FBXL2: variants seen among roughly 807,000 people sequenced by gnomAD.
FBXL2 encodes the protein F-box/LRR-repeat protein 2.
Under a neutral mutation model 69.2 loss-of-function variants are expected in FBXL2, and 38 were observed. The ratio of observed to expected loss-of-function variants is 0.55; its 90% confidence interval spans 0.42 to 0.72. FBXL2 has a LOEUF of 0.72. Ranked by LOEUF, FBXL2 falls within the 30% of genes least tolerant of loss-of-function variation. The pLI, the probability that FBXL2 is intolerant of heterozygous loss-of-function variation, is 0.00. For missense variants in FBXL2, 354 were observed against 520.3 expected (o/e 0.68, Z 3.11); for synonymous variants, 192 against 201.3 (o/e 0.95, Z 0.39).
chr3:33,314,328 C>T (rs2037480081), intron 2 of FBXL2, among the ~76,000 whole-genome samples: 1 of 152,164 alleles, frequency 6.6e-6, no homozygotes, highest in African/African-American at 2.4e-5. Context: ...CCCATTTCCC[C>T]TGCTTTCCCA....
chr3:33,406,677 C>T (rs954064831), downstream of FBXL2, among the ~76,000 whole-genome samples: 7 of 152,150 alleles, frequency 4.6e-5, no homozygotes, highest in African/African-American at 7.2e-5. Flanking sequence ...GAAAAGCAAG[C>T]GATGGTGCAG....
rs531028413 is a variant in FBXL2, at chr3:33,281,129, C to T, written c.3+3614C>T. ...GTTTGTTACGTATGTATACATGGGCCATGTTGGTGTGCTGTACCCGTTGTC... is the reference window on the plus strand; with the variant it reads ...GTTTGTTACGTATGTATACATGGGCTATGTTGGTGTGCTGTACCCGTTGTC... On this transcript the variant is annotated intron_variant, in intron 1 of 14. Coordinates refer to ENST00000484457, the MANE Select transcript of FBXL2 (RefSeq NM_012157.5). Among the ~76,000 whole-genome samples, 12 of 152,160 alleles carry T rather than the reference C, an allele frequency of 7.9e-5. No individual in the cohort carries two copies. The South Asian group carries it at 2.5e-3, about 32-fold the overall frequency.
the FBXL2 span, chr3:33,412,689 T>A: frequency 3.0e-6 from 4 of 1,343,644 alleles, no homozygotes; most frequent in Non-Finnish European, 4.3e-6. Flanking sequence ...AACAATACCC[T>A]CATCTCCATG....
chr3:33,311,110 C>G (rs1486106679), intron 2 of FBXL2, among the ~76,000 whole-genome samples: 5 of 152,170 alleles, frequency 3.3e-5, no homozygotes, highest in African/African-American at 4.8e-5. Context: ...ATCCTATTCT[C>G]TTGTAGATTG....
intron 12 of FBXL2, among the ~76,000 whole-genome samples, chr3:33,399,871 G>A (rs1388701703): frequency 1.3e-5 from 2 of 152,126 alleles, no homozygotes; most frequent in Non-Finnish European, 2.9e-5. Flanking sequence ...GTAACTTACT[G>A]TAAAACAAAA....
intron 2 of FBXL2, among the ~76,000 whole-genome samples, chr3:33,330,938 TC>T (rs1366083791): frequency 6.6e-6 from 1 of 151,220 alleles, no homozygotes; most frequent in Non-Finnish European, 1.5e-5. Context: ...CACAAATATA[TC>T]TATATCATAT....
At chr3:33,382,217 G>A (rs886700161) in intron 13 of FBXL2, among the ~76,000 whole-genome samples, 5 of 152,144 alleles carry the variant, frequency 3.3e-5, no homozygotes, top group Admixed American at 1.3e-4. Flanking sequence ...ATCCACTTTC[G>A]CACTAAAAAA....
intron 2 of FBXL2, among the ~76,000 whole-genome samples, chr3:33,321,482 C>G (rs1575185140): frequency 6.6e-6 from 1 of 152,158 alleles, no homozygotes; most frequent in Middle Eastern, 3.2e-3. Flanking sequence ...TGACCATCTA[C>G]TCTCGTGAGA....
At chr3:33,361,274 C>T (rs1181390119) in intron 4 of FBXL2, among the ~76,000 whole-genome samples, 1 of 151,824 alleles carries the variant, frequency 6.6e-6, no homozygotes, top group African/African-American at 2.4e-5. Context: ...GAGGCCATGG[C>T]GGGCAGATCA....
chr3:33,284,278 T>C (rs915161504), intron 1 of FBXL2, among the ~76,000 whole-genome samples: 2 of 152,230 alleles, frequency 1.3e-5, no homozygotes, highest in South Asian at 2.1e-4. Context: ...TCAAAGAACA[T>C]CTTTATTTCT....
chr3:33,349,328 A>G (rs1456739372), intron 2 of FBXL2, among the ~76,000 whole-genome samples: 2 of 152,048 alleles, frequency 1.3e-5, no homozygotes, highest in African/African-American at 4.8e-5. Flanking sequence ...GTTGAATTTT[A>G]TCTGGTGCTT....
rs2154055884 is a variant in FBXL2, at chr3:33,400,232, T to G, written n.1215-3002T>G. 4 of 1,603,720 alleles carry G rather than the reference T, an allele frequency of 2.5e-6. No individual in the cohort carries two copies. In the African/African-American group the frequency reaches 4.0e-5, roughly 16 times the overall value. ...GTCTTGTGTAGGAAGAGAATCTGTTTTTGAGCAGCCATTGCTGTGTTTCCT... is the reference window on the plus strand; with the variant it reads ...GTCTTGTGTAGGAAGAGAATCTGTTGTTGAGCAGCCATTGCTGTGTTTCCT... On this transcript the variant is annotated intron_variant and non_coding_transcript_variant, in intron 12 of 12. Transcript: ENST00000463736.
chr3:33,345,319 G>A (rs960069229), intron 2 of FBXL2, among the ~76,000 whole-genome samples: 1 of 152,078 alleles, frequency 6.6e-6, no homozygotes, highest in African/African-American at 2.4e-5. Context: ...CTTTTTCCAA[G>A]TAAGGTAATA....
chr3:33,362,090 A>G (rs1487529799), intron 4 of FBXL2, among the ~76,000 whole-genome samples: 1 of 152,224 alleles, frequency 6.6e-6, no homozygotes, highest in Admixed American at 6.5e-5. Context: ...AGGAGACTGT[A>G]GGTATCTTGA....
intron 2 of FBXL2, among the ~76,000 whole-genome samples, chr3:33,331,014 A>G (rs2039119937): frequency 2.6e-5 from 4 of 151,196 alleles, no homozygotes; most frequent in Admixed American, 2.0e-4. Context: ...CATGTACCTG[A>G]AAATATGTAC....
intron 13 of FBXL2, among the ~76,000 whole-genome samples, chr3:33,380,012 C>G (rs1339159753): frequency 6.6e-6 from 1 of 151,378 alleles, no homozygotes; most frequent in Non-Finnish European, 1.5e-5. Flanking sequence ...GTGGGCAGAT[C>G]ACAAGGTCAG....
intron 2 of FBXL2, among the ~76,000 whole-genome samples, chr3:33,323,185 A>G (rs2038381231): frequency 6.6e-6 from 1 of 152,200 alleles, no homozygotes; most frequent in Non-Finnish European, 1.5e-5. Flanking sequence ...TCTTAGGCTT[A>G]ATATAGTTTC....
intron 1 of FBXL2, among the ~76,000 whole-genome samples, chr3:33,283,686 T>C (rs1036272410): frequency 6.6e-6 from 1 of 152,174 alleles, no homozygotes; most frequent in Non-Finnish European, 1.5e-5. Context: ...CCTGGACTTT[T>C]TTTGGTTGGT....
chr3:33,284,535 G>A (rs2034392831), intron 1 of FBXL2, among the ~76,000 whole-genome samples: 2 of 152,214 alleles, frequency 1.3e-5, no homozygotes, highest in East Asian at 1.9e-4. Context: ...GATTTGGGGT[G>A]GAGAGTTCTG....
Sources: allele counts gnomAD v4.1 joint callset (sites outside exome capture counted in the v4.1 genomes callset), GRCh38; gene constraint gnomAD v4.1.1; transcripts MANE v1.5; gene names NCBI Gene and HGNC (gene_info 2026-07-23, HGNC 2026-07-21).